XRN2: variants seen among roughly 807,000 people sequenced by gnomAD.
XRN2 encodes the protein 5'-3' exoribonuclease 2, also known as DHM1-like protein.
A neutral mutation model predicts 138.5 loss-of-function variants in XRN2; 44 were observed. The ratio of observed to expected loss-of-function variants is 0.32; its 90% confidence interval spans 0.25 to 0.41. The LOEUF (loss-of-function observed/expected upper bound fraction) is 0.41. Ranked by LOEUF, XRN2 falls within the 10% of genes least tolerant of loss-of-function variation. The pLI is 1.00. For missense variants in XRN2, 937 were observed against 1,169.3 expected (o/e 0.80, Z 2.90); for synonymous variants, 354 against 369.4 (o/e 0.96, Z 0.48).
At chr20:21,344,300 C>CA in intron 16 of XRN2, 92 bp downstream of exon 16, 1 of 874,396 alleles carries the variant, frequency 1.1e-6, no homozygotes, top group Non-Finnish European at 1.9e-6. Flanking sequence ...GCAGTGCCTT[C>CA]AGATGCTTGC....
intron 9 of XRN2, among the ~76,000 whole-genome samples, chr20:21,332,908 T>C (rs949781694): frequency 6.6e-6 from 1 of 152,206 alleles, no homozygotes; most frequent in Non-Finnish European, 1.5e-5. Flanking sequence ...TTAAGACTTT[T>C]AAGTTACTCC....
chr20:21,370,264 A>G (rs1164209413), intron 27 of XRN2, among the ~76,000 whole-genome samples: 1 of 152,150 alleles, frequency 6.6e-6, no homozygotes. Context: ...ATTGCTCTGT[A>G]GTATAATTTG....
chr20:21,352,728 T>C (rs2038525156), intron 20 of XRN2, among the ~76,000 whole-genome samples: 1 of 152,192 alleles, frequency 6.6e-6, no homozygotes, highest in South Asian at 2.1e-4. Flanking sequence ...ATTTTATATA[T>C]GAATAGAGAA....
chr20:21,371,206 G>T (rs1406326661), intron 27 of XRN2, among the ~76,000 whole-genome samples: 1 of 152,228 alleles, frequency 6.6e-6, no homozygotes, highest in Non-Finnish European at 1.5e-5. Context: ...TGTAATGCTA[G>T]TTAAGTTACA....
At chr20:21,326,245 A>T in intron 1 of XRN2, 34 bp from the exon 2 acceptor site, 17 of 1,601,476 alleles carry the variant, frequency 1.1e-5, no homozygotes, top group Non-Finnish European at 1.4e-5. Flanking sequence ...AGACTTGAAC[A>T]ATCAAACTAC....
rs1311754286 is a variant in XRN2, at chr20:21,346,484, A to G, written c.1599A>G (p.Lys533=). The G allele has an allele frequency of 1.2e-6, 2 of 1,614,204 alleles. No homozygotes were observed. Among genetic ancestry groups the G allele is most frequent in the Non-Finnish European group, 1.7e-6 (2 of 1,180,004 alleles). ...TTGATGTGGATGCAGCTGATGAGAA[A>G]TTCCGTCGGAAAGTTGTGCAGTCGT... ...NKFDVDAADE[K]FRRKVVQSYV... The change falls in exon 17 of 30, where the codon AAA becomes AAG. Residue 533 remains lysine, a synonymous_variant. Coordinates refer to ENST00000377191, the MANE Select transcript of XRN2 (RefSeq NM_012255.5).
rs1295914032 is a variant in XRN2, at chr20:21,369,451, C to T, written c.2584+861C>T. Among the ~76,000 whole-genome samples the T allele has an allele frequency of 5.3e-5, 8 of 152,114 alleles. No individual in the cohort carries two copies. In the East Asian group the frequency reaches 1.5e-3, roughly 29 times the overall value. ...TACCTAGCATTAGGGATTGCTGGAT[C>T]ATATGGTAGCTCTATACTAATTTAC... On this transcript the variant is annotated intron_variant, in intron 27 of 29. Transcript: ENST00000377191.
Position 21,306,596 on chromosome 20 carries a change from A to G in XRN2, c.75+3123A>G, listed in dbSNP as rs936505533. Among the ~76,000 whole-genome samples the G allele has an allele frequency of 3.9e-5, 3 of 77,762 alleles. 1 individual carries two copies. Among genetic ancestry groups the G allele is most frequent in the Non-Finnish European group, 9.1e-5 (3 of 32,942 alleles). 51.0% of individuals were successfully genotyped at this position (77,762 alleles called of 152,430 possible). ...TTACCATTGTTTTAAGAACTTTATTATAACTTGTTTGATCCTCACAACCAC... is the reference window on the plus strand; with the variant it reads ...TTACCATTGTTTTAAGAACTTTATTGTAACTTGTTTGATCCTCACAACCAC... On this transcript the variant is annotated intron_variant, in intron 1 of 29. Transcript: ENST00000377191.
chr20:21,331,029 A>C (rs1204603907), intron 6 of XRN2, among the ~76,000 whole-genome samples: 1 of 152,176 alleles, frequency 6.6e-6, no homozygotes, highest in Non-Finnish European at 1.5e-5. Context: ...ATACAGCAAA[A>C]TTAGTAAGTT....
intron 24 of XRN2, among the ~76,000 whole-genome samples, chr20:21,362,712 T>G (rs1293115787): frequency 1.3e-5 from 2 of 152,232 alleles, no homozygotes; most frequent in Non-Finnish European, 2.9e-5. Flanking sequence ...GCCCCACTTC[T>G]GCTCAAATGC....
At chr20:21,377,264 CTT>C (rs761622310) in intron 27 of XRN2, among the ~76,000 whole-genome samples, 3 of 82,778 alleles carry the variant, frequency 3.6e-5, no homozygotes, top group Non-Finnish European at 4.2e-5. Context: ...TCGGTTTTTT[CTT>C]TTTTTTTTTT....
At chr20:21,345,784 T>C (rs1308008204) in intron 16 of XRN2, among the ~76,000 whole-genome samples, 1 of 152,168 alleles carries the variant, frequency 6.6e-6, no homozygotes, top group African/African-American at 2.4e-5. Flanking sequence ...TATATAGAGA[T>C]ATAGAATGTG....
intron 27 of XRN2, among the ~76,000 whole-genome samples, chr20:21,378,316 T>C (rs142164105): frequency 6.6e-5 from 10 of 152,312 alleles, no homozygotes; most frequent in African/African-American, 2.2e-4. Flanking sequence ...GCCTCCTGAT[T>C]AAGCAGCACA....
rs1375697445 is a variant in XRN2, at chr20:21,320,586, AC to A, written c.76-5691del. 2.7e-5 allele frequency among the ~76,000 whole-genome samples: 4 copies of A among 149,918 alleles called. No homozygotes were observed. The Admixed American group carries it at 2.7e-4, about 10-fold the overall frequency. ...AGTGCTGGGATTACAGGCGTGAGCC[AC>A]CACGCCCGGCCTTATTTATTTATTT... On this transcript the variant is annotated intron_variant, in intron 1 of 29. Transcript: ENST00000377191.
rs566771266 is a variant in XRN2, at chr20:21,309,749, T to C, written c.75+6276T>C. ...GTTTTCACTCCTGTTTTTACTTCTCTTTTGTTTTCTTTTTTCTTCCTGTTA... is the reference window on the plus strand; with the variant it reads ...GTTTTCACTCCTGTTTTTACTTCTCCTTTGTTTTCTTTTTTCTTCCTGTTA... On this transcript the variant is annotated intron_variant, in intron 1 of 29. Coordinates refer to ENST00000377191, the MANE Select transcript of XRN2 (RefSeq NM_012255.5). 3.0e-4 allele frequency among the ~76,000 whole-genome samples: 46 copies of C among 152,278 alleles called. 2 individuals carry two copies. Among genetic ancestry groups the C allele is most frequent in the Admixed American group, 2.9e-3 (44 of 15,296 alleles).
rs138338400 is a variant in XRN2 at position 21,304,453 on chromosome 20, C to T, written c.75+980C>T. ...TCTTGTTTTTTTCAAAAAGCAACTGCTAAATTGAATACTTGTTTCCTTTGT... is the reference window on the plus strand; with the variant it reads ...TCTTGTTTTTTTCAAAAAGCAACTGTTAAATTGAATACTTGTTTCCTTTGT... On this transcript the variant is annotated intron_variant, in intron 1 of 29. Coordinates refer to ENST00000377191, the MANE Select transcript of XRN2 (RefSeq NM_012255.5). Among the ~76,000 whole-genome samples, 580 of 151,718 alleles carry T rather than the reference C, an allele frequency of 3.8e-3. 6 individuals are homozygous for T. The highest frequency in any genetic ancestry group is 0.014 in the African/African-American group (560 of 41,326).
At chr20:21,352,207 C>A (rs1477969439) in intron 20 of XRN2, among the ~76,000 whole-genome samples, 1 of 152,042 alleles carries the variant, frequency 6.6e-6, no homozygotes, top group Non-Finnish European at 1.5e-5. Flanking sequence ...TTAAAACTTA[C>A]TTAGTGAAAG....
At chr20:21,315,027 C>T (rs1568566842) in intron 1 of XRN2, among the ~76,000 whole-genome samples, 8 of 152,194 alleles carry the variant, frequency 5.3e-5, no homozygotes, top group Admixed American at 3.9e-4. Flanking sequence ...AAAGGCAGCC[C>T]ACTCTGGGTT....
rs79025852 is a variant in XRN2 at position 21,344,251 on chromosome 20, A to G, written c.1529+43A>G. 3,517 of 1,437,102 alleles carry G rather than the reference A, an allele frequency of 2.4e-3. 66 individuals carry two copies. The East Asian group carries it at 0.045, about 18-fold the overall frequency. The allele number at this position is 1,437,102 out of a possible 1,614,324, so 89.0% of individuals were successfully genotyped here. A position where few individuals can be genotyped will look rare whatever the true frequency, so the allele number is the denominator to read the frequency against. On this transcript the variant is annotated intron_variant, in intron 16 of 29. Transcript: ENST00000377191. ...TAGCACTTTGTTAGCAAATTGCTGA[A>G]ATAGATGCAGTCTAATTAATGCTAT...
Sources: gnomAD v4.1 joint callset for allele counts (sites outside exome capture counted in the v4.1 genomes callset) on GRCh38, gnomAD v4.1.1 for gene constraint, MANE v1.5 for transcripts, NCBI Gene and HGNC (gene_info 2026-07-23, HGNC 2026-07-21) for gene names.